Variants in PTPRD observed in about 807,000 individuals in gnomAD.
PTPRD encodes the protein protein tyrosine phosphatase receptor type D.
PTPRD carries 34 observed loss-of-function variants against 214.5 expected under a neutral mutation model. The ratio of observed to expected loss-of-function variants is 0.16; its 90% confidence interval spans 0.12 to 0.21. PTPRD has a LOEUF of 0.21. Among genes scored for constraint, PTPRD ranks in the 10% least tolerant of loss-of-function variants. The probability of loss-of-function intolerance (pLI) is 1.00; values close to 1 mark genes in which losing one functional copy is unlikely to be tolerated. For missense variants in PTPRD, 2,545 were observed against 2,398.7 expected (o/e 1.06, Z -1.27); for synonymous variants, 1,128 against 845.7 (o/e 1.33, Z -5.79).
chr9:8,487,545 T>G (rs1209133409), intron 27 of PTPRD, among the ~76,000 whole-genome samples: 1 of 151,310 alleles, frequency 6.6e-6, no homozygotes, highest in Non-Finnish European at 1.5e-5. Flanking sequence ...CGGCTGGGTG[T>G]GGTGGCTCAC....
chr9:9,797,746 G>A (rs1012848297), intron 5 of PTPRD, among the ~76,000 whole-genome samples: 11 of 152,092 alleles, frequency 7.2e-5, no homozygotes, highest in African/African-American at 2.7e-4. Context: ...CTCGGGGGGG[G>A]CTGAGGCAGG....
intron 14 of PTPRD, among the ~76,000 whole-genome samples, chr9:8,557,759 A>G (rs1248770142): frequency 2.9e-5 from 4 of 140,294 alleles, no homozygotes; most frequent in Non-Finnish European, 4.5e-5. Flanking sequence ...AAAAAAAAAA[A>G]AAAAAAAAGA....
chr9:8,344,874 G>C (rs1037676625), intron 39 of PTPRD, among the ~76,000 whole-genome samples: 1 of 150,668 alleles, frequency 6.6e-6, no homozygotes, highest in Non-Finnish European at 1.5e-5. Context: ...TAATTATCCA[G>C]TAAGTCTTAA....
chr9:9,366,105 C>G (rs1485853087), intron 9 of PTPRD, among the ~76,000 whole-genome samples: 1 of 151,360 alleles, frequency 6.6e-6, no homozygotes, highest in African/African-American at 2.4e-5. Context: ...AAATACCCTA[C>G]CTATCTAATG....
At chr9:9,892,887 G>T (rs1027172756) in intron 5 of PTPRD, among the ~76,000 whole-genome samples, 1 of 152,034 alleles carries the variant, frequency 6.6e-6, no homozygotes, top group African/African-American at 2.4e-5. Flanking sequence ...AAGAGTCAAG[G>T]ATGACTCAAA....
At chr9:9,997,099 A>G (rs941657106) in intron 4 of PTPRD, among the ~76,000 whole-genome samples, 4 of 152,188 alleles carry the variant, frequency 2.6e-5, no homozygotes, top group African/African-American at 9.7e-5. Flanking sequence ...CCAAATAATT[A>G]AGGAAAACCT....
intron 4 of PTPRD, among the ~76,000 whole-genome samples, chr9:10,012,818 G>A (rs1432793157): frequency 6.6e-6 from 1 of 151,940 alleles, no homozygotes; most frequent in African/African-American, 2.4e-5. Flanking sequence ...TGAATCATAT[G>A]TAATTGGGAT....
At chr9:8,917,366 G>A (rs7027454) in intron 11 of PTPRD, among the ~76,000 whole-genome samples, 2 of 150,202 alleles carry the variant, frequency 1.3e-5, no homozygotes, top group East Asian at 3.9e-4. Flanking sequence ...TCCAACTCCT[G>A]ACCTCTGGTG....
chr9:9,942,019 A>C (rs1202910771), intron 4 of PTPRD, among the ~76,000 whole-genome samples: 1 of 152,212 alleles, frequency 6.6e-6, no homozygotes, highest in African/African-American at 2.4e-5. Flanking sequence ...TAAAACATTT[A>C]TTCCATTTTG....
chr9:9,904,583 T>A (rs763627042), intron 5 of PTPRD, among the ~76,000 whole-genome samples: 2 of 151,934 alleles, frequency 1.3e-5, no homozygotes, highest in Non-Finnish European at 2.9e-5. Context: ...TTAGCTTCCT[T>A]CCACACCTAC....
chr9:9,067,037 G>A (rs1036203133), intron 10 of PTPRD, among the ~76,000 whole-genome samples: 2 of 152,230 alleles, frequency 1.3e-5, no homozygotes, highest in African/African-American at 2.4e-5. Context: ...GAGGTCAGGA[G>A]TTGGAGACCA....
chr9:9,155,502 T>G (rs78096840), intron 10 of PTPRD, among the ~76,000 whole-genome samples: 3,179 of 152,236 alleles, frequency 0.021, 80 homozygotes, highest in East Asian at 0.13. Context: ...AATTATAAGA[T>G]TGATTGATGT....
At chr9:9,484,517 G>A (rs1413742085) in intron 8 of PTPRD, among the ~76,000 whole-genome samples, 1 of 152,114 alleles carries the variant, frequency 6.6e-6, no homozygotes, top group Non-Finnish European at 1.5e-5. Context: ...TTGCATTCAA[G>A]ATTCATGTTT....
At chr9:10,380,234 A>G (rs987917201) in intron 2 of PTPRD, among the ~76,000 whole-genome samples, 6 of 152,144 alleles carry the variant, frequency 3.9e-5, no homozygotes, top group Non-Finnish European at 7.4e-5. Context: ...CATAATATCA[A>G]AAAGGAAAAC....
intron 43 of PTPRD, among the ~76,000 whole-genome samples, chr9:8,335,395 A>ATGAT: frequency 6.6e-6 from 1 of 152,302 alleles, no homozygotes; most frequent in African/African-American, 2.4e-5. Flanking sequence ...CAAAAACCAC[A>ATGAT]TGATTATCTC....
intron 11 of PTPRD, among the ~76,000 whole-genome samples, chr9:8,907,328 C>T (rs2098714634): frequency 1.3e-5 from 2 of 151,636 alleles, no homozygotes; most frequent in Admixed American, 1.3e-4. Context: ...TCATTATAAA[C>T]ATGTTCAAGG....
At chr9:9,033,345 G>A (rs2099611588) in intron 10 of PTPRD, among the ~76,000 whole-genome samples, 1 of 152,100 alleles carries the variant, frequency 6.6e-6, no homozygotes, top group South Asian at 2.1e-4. Context: ...TAGCTGACTT[G>A]CCCAAGACAT....
intron 5 of PTPRD, among the ~76,000 whole-genome samples, chr9:9,819,473 C>A (rs10978008): frequency 6.6e-6 from 1 of 152,150 alleles, no homozygotes; most frequent in Non-Finnish European, 1.5e-5. Flanking sequence ...TGCTGTAATA[C>A]ATAACTTACT....
chr9:9,662,970 C>A (rs2096648584), intron 7 of PTPRD, among the ~76,000 whole-genome samples: 1 of 151,502 alleles, frequency 6.6e-6, no homozygotes, highest in African/African-American at 2.4e-5. Flanking sequence ...GTTGGGCTCA[C>A]TATTTTTCTT....
Sources: allele counts gnomAD v4.1 joint callset (sites outside exome capture counted in the v4.1 genomes callset), GRCh38; gene constraint gnomAD v4.1.1; transcripts MANE v1.5; gene names NCBI Gene and HGNC (gene_info 2026-07-23, HGNC 2026-07-21).